Variants in STAM2 observed in about 807,000 individuals in gnomAD.
The protein encoded by STAM2 is signal transducing adapter molecule 2.
STAM2 carries 51 observed loss-of-function variants against 65.6 expected under a neutral mutation model. That is an observed-to-expected ratio of 0.78 (90% confidence interval 0.62 to 0.98). STAM2 has a LOEUF of 0.98. Among genes scored for constraint, STAM2 ranks in the 50% least tolerant of loss-of-function variants. The pLI is 0.00. For synonymous variants in STAM2, 198 were observed against 208.4 expected (o/e 0.95, Z 0.43); for missense variants, 584 against 617.8 (o/e 0.95, Z 0.58).
intron 1 of STAM2, among the ~76,000 whole-genome samples, chr2:152,161,116 G>A (rs958001068): frequency 2.0e-5 from 3 of 152,144 alleles, no homozygotes. Context: ...TGTAGAAAGA[G>A]GTAGACATGG....
At chr2:152,139,478 G>C (rs1217355365) in intron 7 of STAM2, among the ~76,000 whole-genome samples, 1 of 152,152 alleles carries the variant, frequency 6.6e-6, no homozygotes, top group Non-Finnish European at 1.5e-5. Flanking sequence ...GCCTGCTTGA[G>C]GCCAGGAGTC....
At chr2:152,167,754 T>C (rs190888788) in intron 1 of STAM2, among the ~76,000 whole-genome samples, 1 of 151,096 alleles carries the variant, frequency 6.6e-6, no homozygotes, top group Non-Finnish European at 1.5e-5. Context: ...AAATAAATAA[T>C]TAAAAATTAG....
chr2:152,153,885 TACACACAC>T lies in STAM2; in HGVS notation c.41-3664_41-3657del, dbSNP rs70974824. 2.6e-3 allele frequency among the ~76,000 whole-genome samples: 384 copies of T among 144,948 alleles called. 2 individuals carry two copies. The highest frequency in any genetic ancestry group is 0.011 in the Middle Eastern group (3 of 284). On this transcript the variant is annotated intron_variant, in intron 1 of 13. Transcript: ENST00000263904. ...GATGCATATCCTTCCAGACATTACA[TACACACAC>T]ACACACACACACACACACACACACA... is the stretch of plus-strand genomic sequence containing the variant.
chr2:152,120,673 A>C lies in STAM2; in HGVS notation c.1479T>G (p.Thr493=). 1 of 1,614,176 alleles carries C rather than the reference A, an allele frequency of 6.2e-7. No individual in the cohort carries two copies. Among genetic ancestry groups the C allele is most frequent in the South Asian group, 1.1e-5 (1 of 91,082 alleles). ...CTGCCAGTTGAGGCAAATTGGAAGTAGTGTTCTGATAAGATGACATATCCA... is the reference window on the plus strand; with the variant it reads ...CTGCCAGTTGAGGCAAATTGGAAGTCGTGTTCTGATAAGATGACATATCCA... ...MSVDMSSYQN[T]TSNLPQLAGF... The change falls in exon 14 of 14, where the codon ACT becomes ACG. Residue 493 remains threonine, a synonymous_variant. Coordinates refer to ENST00000263904, the MANE Select transcript of STAM2 (RefSeq NM_005843.6).
chr2:152,144,705 A>AT, intron 6 of STAM2, 183 bp downstream of exon 6: 1 of 463,900 alleles, frequency 2.2e-6, no homozygotes, highest in Non-Finnish European at 3.9e-6. Context: ...CGCCCAGCTA[A>AT]TTTTTGTACT....
intron 7 of STAM2, among the ~76,000 whole-genome samples, chr2:152,143,011 C>T (rs973286130): frequency 7.2e-5 from 11 of 152,174 alleles, no homozygotes; most frequent in African/African-American, 2.4e-4. Context: ...TGGTATTCAC[C>T]ACATTCTGCC....
At chr2:152,136,374 C>T (rs556759498) in intron 7 of STAM2, among the ~76,000 whole-genome samples, 62 of 151,052 alleles carry the variant, frequency 4.1e-4, no homozygotes, top group African/African-American at 1.5e-3. Flanking sequence ...ACCAAGAAGG[C>T]AGAGGTTGCA....
At chr2:152,147,459 A>T in intron 4 of STAM2, 151 bp from the exon 5 acceptor site, 1 of 671,326 alleles carries the variant, frequency 1.5e-6, no homozygotes, top group Non-Finnish European at 2.3e-6. Flanking sequence ...TGAGTAATTG[A>T]TAGATGCCTA....
intron 11 of STAM2, 28 bp from the exon 12 acceptor site, chr2:152,126,407 C>G (rs1688964717): frequency 1.4e-6 from 2 of 1,380,456 alleles, no homozygotes; most frequent in Non-Finnish European, 1.9e-6. Flanking sequence ...TATTATAATA[C>G]TCTTCTAGTT....
chr2:152,143,221 T>G (rs796656622), intron 7 of STAM2, among the ~76,000 whole-genome samples: 44 of 152,356 alleles, frequency 2.9e-4, no homozygotes, highest in African/African-American at 1.0e-3. Context: ...ACTAGTGTGT[T>G]ATAAATAACT....
At chr2:152,165,762 G>A (rs1579336108) in intron 1 of STAM2, among the ~76,000 whole-genome samples, 1 of 152,102 alleles carries the variant, frequency 6.6e-6, no homozygotes, top group Non-Finnish European at 1.5e-5. Flanking sequence ...TAGCTGCCGT[G>A]CTTAAAAGAG....
At position 152,133,202 on chromosome 2, in the gene STAM2, G is replaced by A; in HGVS notation, c.941C>T (p.Pro314Leu). Residue 314 changes from proline (P) to leucine (L), a missense_variant, in exon 10 of 14, where the codon CCA becomes CTA. Pro to Leu is a moderately conservative substitution (Grantham distance 98, BLOSUM62 -3). Transcript: ENST00000263904. ...LQSIDPTDSK[P>L]DSQDLLDLED... is the part of the protein sequence containing the mutation. ...TAAATCCAAAAGGTCTTGGGAGTCTGGTTTTGAATCTGTTGGATCTATACT... is the reference window on the plus strand; with the variant it reads ...TAAATCCAAAAGGTCTTGGGAGTCTAGTTTTGAATCTGTTGGATCTATACT... 6.2e-7 allele frequency: 1 copy of A among 1,600,838 alleles called. No homozygotes were observed. The highest frequency in any genetic ancestry group is 1.3e-5 in the African/African-American group (1 of 74,290).
chr2:152,159,016 G>C (rs1689606476), intron 1 of STAM2, among the ~76,000 whole-genome samples: 1 of 147,198 alleles, frequency 6.8e-6, no homozygotes, highest in Non-Finnish European at 1.5e-5. Flanking sequence ...TCTATTAATA[G>C]GAGGAAAAAA....
intron 1 of STAM2, among the ~76,000 whole-genome samples, chr2:152,168,853 AATTG>A (rs1257467109): frequency 1.3e-5 from 2 of 152,264 alleles, no homozygotes; most frequent in African/African-American, 2.4e-5. Flanking sequence ...GTGATTAGAC[AATTG>A]ATTATTGTCT....
rs112935219 is a variant in STAM2 at position 152,138,855 on chromosome 2, A to C, written c.705-3252T>G. ...GCTGAACTTGAGAAATTTTTGTATA[A>C]AACGAGAAAACCCAAACCTGTGAAA... is the stretch of plus-strand genomic sequence containing the variant. On this transcript the variant is annotated intron_variant, in intron 7 of 13. Transcript: ENST00000263904. Among the ~76,000 whole-genome samples, 416 of 152,362 alleles carry C rather than the reference A, an allele frequency of 2.7e-3. 2 individuals carry two copies. The highest frequency in any genetic ancestry group is 9.6e-3 in the African/African-American group (400 of 41,588).
intron 7 of STAM2, among the ~76,000 whole-genome samples, chr2:152,140,988 A>C (rs1397505468): frequency 6.6e-6 from 1 of 151,598 alleles, no homozygotes; most frequent in East Asian, 2.0e-4. Context: ...AAATACAAAA[A>C]ATTAGCCGGG....
At chr2:152,172,293 CCA>C (rs1272182737) in intron 1 of STAM2, among the ~76,000 whole-genome samples, 2 of 152,068 alleles carry the variant, frequency 1.3e-5, no homozygotes, top group Non-Finnish European at 2.9e-5. Context: ...CAGGAATTTG[CCA>C]GAGTTCCCTA....
rs1034082391 is a variant in STAM2, at chr2:152,119,721, A to G, written c.*853T>C. 2 of 152,216 alleles carry G rather than the reference A, an allele frequency of 1.3e-5. No homozygotes were observed. The highest frequency in any genetic ancestry group is 2.9e-5 in the Non-Finnish European group (2 of 68,034). 9.4% of individuals were successfully genotyped at this position (152,216 alleles called of 1,614,324 possible). ...AAAAGGTTATTAGTGACAATTCTAA[A>G]TACCAGAGATACATGTAGGAAAGAA... On this transcript the variant is annotated 3_prime_UTR_variant, in exon 14 of 14. Transcript: ENST00000263904.
chr2:152,174,163 G>T (rs1204781710), intron 1 of STAM2, among the ~76,000 whole-genome samples: 1 of 152,162 alleles, frequency 6.6e-6, no homozygotes, highest in African/African-American at 2.4e-5. Flanking sequence ...AGAAAACAAT[G>T]AACTTTCAAG....
Sources: gnomAD v4.1 joint callset for allele counts (sites outside exome capture counted in the v4.1 genomes callset) on GRCh38, gnomAD v4.1.1 for gene constraint, MANE v1.5 for transcripts, NCBI Gene and HGNC (gene_info 2026-07-23, HGNC 2026-07-21) for gene names.